CD276: variants seen among roughly 807,000 people sequenced by gnomAD.
CD276 encodes CD276 antigen.
Under a neutral mutation model 50.0 loss-of-function variants are expected in CD276, and 34 were observed. That is an observed-to-expected ratio of 0.68 (90% confidence interval 0.52 to 0.91). The LOEUF (loss-of-function observed/expected upper bound fraction) is 0.91. Among genes scored for constraint, CD276 ranks in the 40% least tolerant of loss-of-function variants. The probability of loss-of-function intolerance (pLI) is 0.00; values close to 1 mark genes in which losing one functional copy is unlikely to be tolerated. For missense variants in CD276, 634 were observed against 717.5 expected (o/e 0.88, Z 1.33); for synonymous variants, 275 against 313.0 (o/e 0.88, Z 1.28).
At chr15:73,705,962 A>C (rs909108336) in intron 6 of CD276, among the ~76,000 whole-genome samples, 4 of 152,238 alleles carry the variant, frequency 2.6e-5, no homozygotes, top group Admixed American at 2.6e-4. Flanking sequence ...TTTCAAAAAA[A>C]TTTAGGGCTG....
chr15:73,688,660 G>A (rs1333474961), intron 1 of CD276, among the ~76,000 whole-genome samples: 2 of 152,236 alleles, frequency 1.3e-5, no homozygotes, highest in East Asian at 1.9e-4. Context: ...TTGGCCAGCC[G>A]GCCACCACTC....
intron 1 of CD276, among the ~76,000 whole-genome samples, chr15:73,692,999 T>A (rs1226707796): frequency 2.0e-5 from 3 of 152,126 alleles, no homozygotes; most frequent in Non-Finnish European, 4.4e-5. Context: ...AGTTGATTGG[T>A]CCCCAGCCAG....
At chr15:73,705,475 A>G (rs34696288) in intron 6 of CD276, among the ~76,000 whole-genome samples, 4,226 of 151,490 alleles carry the variant, frequency 0.028, 81 homozygotes, top group East Asian at 0.058. Context: ...GTTCAGGCTC[A>G]CTCCTCCTTC....
chr15:73,688,628 G>T (rs1225053745), intron 1 of CD276, among the ~76,000 whole-genome samples: 1 of 152,192 alleles, frequency 6.6e-6, no homozygotes, highest in South Asian at 2.1e-4. Context: ...TCTGCTGGTG[G>T]CTGATAATTG....
At chr15:73,703,155 G>T in intron 4 of CD276, 69 bp downstream of exon 4, 1 of 1,490,180 alleles carries the variant, frequency 6.7e-7, no homozygotes, top group Non-Finnish European at 9.0e-7. Flanking sequence ...TGGGAGCTCC[G>T]AATCTGGCCC....
At chr15:73,685,133 G>A (rs892458232) in intron 1 of CD276, 5 of 151,784 alleles carry the variant, frequency 3.3e-5, no homozygotes, top group African/African-American at 1.2e-4. Context: ...TGGGGGTGGG[G>A]AGGGAATTGG....
At chr15:73,711,377 T>C in intron 9 of CD276, 1 of 585,172 alleles carries the variant, frequency 1.7e-6, no homozygotes, top group Non-Finnish European at 3.1e-6. Context: ...CGACAGAGGC[T>C]TAAGCAGGAC....
chr15:73,701,235 C>T (rs1428369306), intron 2 of CD276, among the ~76,000 whole-genome samples: 2 of 151,874 alleles, frequency 1.3e-5, no homozygotes, highest in African/African-American at 4.8e-5. Flanking sequence ...GAATCTGATC[C>T]CTCTCTTCTT....
rs1188388140 is a variant in CD276 at position 73,708,447 on chromosome 15, A to G, written c.1478A>G (p.Lys493Arg). 1 of 1,613,664 alleles carries G rather than the reference A, an allele frequency of 6.2e-7. No individual in the cohort carries two copies. Among genetic ancestry groups the G allele is most frequent in the Non-Finnish European group, 8.5e-7 (1 of 1,179,768 alleles). Residue 493 changes from lysine to arginine, a missense_variant, in exon 7 of 10, where the codon AAA becomes AGA. Coordinates refer to ENST00000318443, the MANE Select transcript of CD276 (RefSeq NM_001024736.2). ...GCTTTCGTGTGCTGGAGAAAGATCA[A>G]ACAGAGCTGTGAGGAGGAGAATGCA... ...ALAFVCWRKI[K>R]QSCEEENAGA... is the part of the protein sequence containing the mutation.
Position 73,690,740 on chromosome 15 carries a change from T to G in CD276, c.-55+6280T>G, listed in dbSNP as rs1899955871. On this transcript the variant is annotated intron_variant, in intron 1 of 9. Coordinates refer to ENST00000318443, the MANE Select transcript of CD276 (RefSeq NM_001024736.2). Reference sequence around the variant, plus strand: ...TGAGTCTTAAAGCACCCATGTCATCTAGGAAGAAGAAACTGTATTTGCAGC... The same window carrying G: ...TGAGTCTTAAAGCACCCATGTCATCGAGGAAGAAGAAACTGTATTTGCAGC... 6.6e-6 allele frequency: 3 copies of G among 455,638 alleles called. No homozygotes were observed. The Admixed American group carries it at 7.1e-5, about 11-fold the overall frequency. 28.2% of individuals were successfully genotyped at this position (455,638 alleles called of 1,614,324 possible).
intron 7 of CD276, chr15:73,709,417 T>A (rs1596021018): frequency 1.9e-6 from 1 of 519,742 alleles, no homozygotes; most frequent in Admixed American, 3.7e-5. Context: ...GGCTGGGTAG[T>A]TTTTGGCTGG....
At chr15:73,700,287 T>TC (rs936896776) in intron 2 of CD276, among the ~76,000 whole-genome samples, 9 of 152,162 alleles carry the variant, frequency 5.9e-5, no homozygotes, top group Non-Finnish European at 1.3e-4. Flanking sequence ...GATGTGACTC[T>TC]CCCCACACGG....
At chr15:73,692,378 G>T (rs1356214309) in intron 1 of CD276, among the ~76,000 whole-genome samples, 3 of 152,170 alleles carry the variant, frequency 2.0e-5, no homozygotes, top group Non-Finnish European at 4.4e-5. Flanking sequence ...ATATGAAAAT[G>T]TGGGATTTTA....
intron 6 of CD276, among the ~76,000 whole-genome samples, chr15:73,707,056 G>T (rs370623519): frequency 6.6e-6 from 1 of 152,330 alleles, no homozygotes; most frequent in East Asian, 1.9e-4. Context: ...TGGGGTGATG[G>T]ATCCCTGTGC....
chr15:73,688,936 G>T (rs1236399082), intron 1 of CD276, among the ~76,000 whole-genome samples: 1 of 152,148 alleles, frequency 6.6e-6, no homozygotes, highest in South Asian at 2.1e-4. Flanking sequence ...GTCTGGAAAG[G>T]CTTCTGGAAA....
At chr15:73,701,349 A>G (rs1488886295) in intron 2 of CD276, among the ~76,000 whole-genome samples, 2 of 152,130 alleles carry the variant, frequency 1.3e-5, no homozygotes, top group Non-Finnish European at 2.9e-5. Context: ...TCCAGTCTCC[A>G]CAGAGGAGCT....
Position 73,709,622 on chromosome 15 carries a change from TTTA to T in CD276, c.1505-23_1505-21del, listed in dbSNP as rs777786710. The T allele has an allele frequency of 8.7e-6, 14 of 1,612,308 alleles. No homozygotes were observed. The South Asian group carries it at 1.5e-4, about 18-fold the overall frequency. Reference sequence around the variant, plus strand: ...AAAATGGGCTTGCAAAAGATTTTTGTTTATTCTGAGTTCTTGCCTTTGCAGGAG... The same window carrying T: ...AAAATGGGCTTGCAAAAGATTTTTGTTTCTGAGTTCTTGCCTTTGCAGGAG... On this transcript the variant is annotated intron_variant, in intron 7 of 9. Transcript: ENST00000318443.
At chr15:73,708,951 G>A (rs760527931) in intron 7 of CD276, among the ~76,000 whole-genome samples, 7 of 152,244 alleles carry the variant, frequency 4.6e-5, no homozygotes, top group Non-Finnish European at 7.3e-5. Flanking sequence ...GCTGGCATTG[G>A]TGACTGGTAA....
intron 2 of CD276, among the ~76,000 whole-genome samples, chr15:73,700,300 C>T (rs2141558861): frequency 6.6e-6 from 1 of 152,328 alleles, no homozygotes; most frequent in South Asian, 2.1e-4. Flanking sequence ...CCACACGGTG[C>T]TTGGCACACA....
Sources: gnomAD v4.1 joint callset for allele counts (sites outside exome capture counted in the v4.1 genomes callset) on GRCh38, gnomAD v4.1.1 for gene constraint, MANE v1.5 for transcripts, NCBI Gene and HGNC (gene_info 2026-07-23, HGNC 2026-07-21) for gene names.